PPA2: variants seen among roughly 807,000 people sequenced by gnomAD.
The protein encoded by PPA2 is inorganic pyrophosphatase 2, mitochondrial.
PPA2 carries 48 observed loss-of-function variants against 49.5 expected under a neutral mutation model. The observed-to-expected ratio is 0.97, with a 90% CI of 0.77 to 1.23. The LOEUF (loss-of-function observed/expected upper bound fraction) is 1.23. Among genes scored for constraint, PPA2 ranks in the 50% most tolerant of loss-of-function variants. The pLI, the probability that PPA2 is intolerant of heterozygous loss-of-function variation, is 0.00. For missense variants in PPA2, 429 were observed against 410.1 expected (o/e 1.05, Z -0.40); for synonymous variants, 131 against 139.9 (o/e 0.94, Z 0.45).
At chr4:105,394,335 C>T (rs1359925650) in intron 9 of PPA2, among the ~76,000 whole-genome samples, 1 of 134,388 alleles carries the variant, frequency 7.4e-6, no homozygotes. Context: ...GATTGCACCA[C>T]TGCACTCCAA....
chr4:105,471,567 TA>T (rs1365581554), intron 1 of PPA2, among the ~76,000 whole-genome samples: 1 of 152,180 alleles, frequency 6.6e-6, no homozygotes, highest in Non-Finnish European at 1.5e-5. Context: ...ACTACACTCA[TA>T]TTTTTTTTGA....
chr4:105,458,368 A>G (rs1722949651), intron 1 of PPA2, among the ~76,000 whole-genome samples: 1 of 152,188 alleles, frequency 6.6e-6, no homozygotes, highest in African/African-American at 2.4e-5. Context: ...GTACAATGGC[A>G]ATGGTAAATG....
intron 6 of PPA2, among the ~76,000 whole-genome samples, chr4:105,432,840 A>T (rs546130946): frequency 1.3e-5 from 2 of 152,322 alleles, no homozygotes; most frequent in East Asian, 3.9e-4. Context: ...TGGTGTAAAG[A>T]CTAGGAACAC....
chr4:105,373,827 T>C (rs947863303), intron 10 of PPA2, among the ~76,000 whole-genome samples: 1 of 151,270 alleles, frequency 6.6e-6, no homozygotes, highest in Non-Finnish European at 1.5e-5. Context: ...CACTCAGAGA[T>C]AATGATAAAG....
Position 105,462,638 on chromosome 4 carries a change from T to C in PPA2, c.158-5893A>G, listed in dbSNP as rs149654322. ...TAAGTTCTTAATTGGCTAATGTTAA[T>C]ACACCTTTTTATTCCACCAAATATA... On this transcript the variant is annotated intron_variant, in intron 1 of 11. Coordinates refer to ENST00000341695, the MANE Select transcript of PPA2 (RefSeq NM_176869.3). Among the ~76,000 whole-genome samples, 752 of 152,372 alleles carry C rather than the reference T, an allele frequency of 4.9e-3. 10 individuals are homozygous for C. The highest frequency in any genetic ancestry group is 0.017 in the African/African-American group (710 of 41,594).
intron 1 of PPA2, among the ~76,000 whole-genome samples, chr4:105,463,357 G>A (rs542253556): frequency 6.6e-5 from 10 of 152,320 alleles, no homozygotes; most frequent in African/African-American, 1.4e-4. Context: ...AGGGTATCTA[G>A]TGGAGGAAGA....
At chr4:105,432,744 A>G (rs1723872352) in intron 6 of PPA2, among the ~76,000 whole-genome samples, 2 of 152,032 alleles carry the variant, frequency 1.3e-5, no homozygotes, top group Admixed American at 6.5e-5. Context: ...CTCATCAGTT[A>G]TTGTTAGTGT....
At chr4:105,383,288 T>C (rs1214631847) in intron 10 of PPA2, among the ~76,000 whole-genome samples, 6 of 152,242 alleles carry the variant, frequency 3.9e-5, no homozygotes, top group African/African-American at 1.4e-4. Context: ...TCTATCCTTC[T>C]AAAGATCTCT....
At chr4:105,440,602 G>A (rs1254526558) in intron 5 of PPA2, among the ~76,000 whole-genome samples, 1 of 152,150 alleles carries the variant, frequency 6.6e-6, no homozygotes, top group Non-Finnish European at 1.5e-5. Flanking sequence ...AAAATGCTGA[G>A]ATTGTTAGTG....
At chr4:105,450,660 C>A (rs373714506) in intron 3 of PPA2, among the ~76,000 whole-genome samples, 2 of 126,640 alleles carry the variant, frequency 1.6e-5, no homozygotes, top group Non-Finnish European at 3.2e-5. Context: ...CAGGCTGGAG[C>A]GCAGTGGCGC....
intron 8 of PPA2, 193 bp downstream of exon 8, chr4:105,398,844 G>T (rs1734246965): frequency 4.3e-6 from 2 of 467,258 alleles, no homozygotes; most frequent in African/African-American, 2.0e-5. Context: ...ATATTTTTCA[G>T]CCTTGTTGAT....
chr4:105,472,986 C>A (rs1198056292), intron 1 of PPA2, among the ~76,000 whole-genome samples: 4 of 152,136 alleles, frequency 2.6e-5, no homozygotes, highest in Non-Finnish European at 4.4e-5. Flanking sequence ...GTGAAGAACT[C>A]GAGGGCCTGC....
At chr4:105,398,212 A>C (rs1028175102) in intron 8 of PPA2, 1 of 152,046 alleles carries the variant, frequency 6.6e-6, no homozygotes, top group Admixed American at 6.5e-5. Context: ...AAGAAAAATA[A>C]TGTATAAATT....
At chr4:105,405,875 GGAAGTTTGGCTCCTGTCAAGT>G in intron 7 of PPA2, 3 of 454,892 alleles carry the variant, frequency 6.6e-6, no homozygotes, top group South Asian at 4.7e-5. Context: ...AGGACAGGCT[GGAAGTTTGGCTCCTGTCAAGT>G]GAAGGCAGGA....
intron 7 of PPA2, chr4:105,406,877 G>T (rs893522769): frequency 1.3e-5 from 2 of 151,942 alleles, no homozygotes; most frequent in Non-Finnish European, 2.9e-5. Context: ...AGAAGCAATG[G>T]GGGCTGATAG....
At chr4:105,464,206 G>A (rs1474840625) in intron 1 of PPA2, among the ~76,000 whole-genome samples, 2 of 152,208 alleles carry the variant, frequency 1.3e-5, no homozygotes, top group Non-Finnish European at 2.9e-5. Context: ...ACCTGGGTGT[G>A]AGACACATGG....
intron 10 of PPA2, among the ~76,000 whole-genome samples, chr4:105,380,259 T>C (rs1023242772): frequency 2.6e-5 from 4 of 152,228 alleles, no homozygotes; most frequent in Non-Finnish European, 2.9e-5. Flanking sequence ...GTCAATTTCA[T>C]GCAAGCTGTC....
chr4:105,458,786 C>T (rs1257495131), intron 1 of PPA2, among the ~76,000 whole-genome samples: 2 of 133,778 alleles, frequency 1.5e-5, no homozygotes, highest in African/African-American at 5.7e-5. Flanking sequence ...CGCACCACTG[C>T]ACTCCAGCCT....
intron 5 of PPA2, among the ~76,000 whole-genome samples, chr4:105,443,639 A>ACT (rs35353072): frequency 1.4e-5 from 2 of 140,122 alleles, no homozygotes; most frequent in Non-Finnish European, 3.1e-5. Context: ...ACACACACAG[A>ACT]CTCTCTCTCT....
Sources: gnomAD v4.1 joint callset for allele counts (sites outside exome capture counted in the v4.1 genomes callset) on GRCh38, gnomAD v4.1.1 for gene constraint, MANE v1.5 for transcripts, NCBI Gene and HGNC (gene_info 2026-07-23, HGNC 2026-07-21) for gene names.